CACNA1B: variants seen among roughly 807,000 people sequenced by gnomAD.
CACNA1B encodes calcium voltage-gated channel subunit alpha1 B.
In CACNA1B, 70 loss-of-function variants were observed where a neutral mutation model predicts 247.2. The ratio of observed to expected loss-of-function variants is 0.28; its 90% CI spans 0.23 to 0.35. The LOEUF is 0.35. Ranked by LOEUF, CACNA1B falls within the 10% of genes least tolerant of loss-of-function variation. CACNA1B has a pLI of 1.00. For missense variants in CACNA1B, 2,367 were observed against 3,197.4 expected (o/e 0.74, Z 6.26); for synonymous variants, 1,231 against 1,294.4 (o/e 0.95, Z 1.05).
chr9:138,118,610 G>A (rs552724056), intron 43 of CACNA1B, 42 bp from the exon 44 acceptor site: 21 of 987,498 alleles, frequency 2.1e-5, no homozygotes, highest in South Asian at 1.1e-4. Context: ...ATGAGTCCGC[G>A]GTGCCTTGTG....
intron 40 of CACNA1B, 68 bp downstream of exon 40, chr9:138,112,573 C>A: frequency 9.2e-7 from 1 of 1,086,012 alleles, no homozygotes; most frequent in Non-Finnish European, 1.4e-6. Flanking sequence ...GGCTGGAGGG[C>A]TGTGGAGGTG....
chr9:137,919,787 G>A lies in CACNA1B; in HGVS notation c.966+2356G>A, dbSNP rs928975408. 2.8e-4 allele frequency among the ~76,000 whole-genome samples: 42 copies of A among 152,206 alleles called. No homozygotes were observed. The highest frequency in any genetic ancestry group is 1.9e-3 in the Admixed American group (29 of 15,278). On this transcript the variant is annotated intron_variant, in intron 6 of 46. Transcript: ENST00000371372. The surrounding 1 kb of genome is among the most constrained non-coding windows in gnomAD (Gnocchi z 4.6). ...TGAGCAACAGCGGGCAGCCAGGACC[G>A]GGTGAGTGATGGGGTCTCAGAGTGG... is the stretch of plus-strand genomic sequence containing the variant.
intron 40 of CACNA1B, among the ~76,000 whole-genome samples, chr9:138,113,576 C>A (rs1230566290): frequency 1.5e-4 from 21 of 141,556 alleles, no homozygotes; most frequent in African/African-American, 5.7e-4. Context: ...CCAACTGCAT[C>A]TTGCGGGAGA....
At position 138,027,404 on chromosome 9, in the gene CACNA1B, C is replaced by T. The variant is rs566136871; in HGVS notation, c.3286+2232C>T. On this transcript the variant is annotated intron_variant, in intron 20 of 46. Coordinates refer to ENST00000371372, the MANE Select transcript of CACNA1B (RefSeq NM_000718.4). Reference sequence around the variant, plus strand: ...GTTTCACTGATTCCCCCTTTTTTTCCGAGATATATTATCAAAACTTCTGCA... The same window carrying T: ...GTTTCACTGATTCCCCCTTTTTTTCTGAGATATATTATCAAAACTTCTGCA... Among the ~76,000 whole-genome samples, 71 of 151,870 alleles carry T rather than the reference C, an allele frequency of 4.7e-4. 1 individual carries two copies. The highest frequency in any genetic ancestry group is 1.5e-3 in the African/African-American group (62 of 41,436).
Position 138,051,517 on chromosome 9 carries a change from T to G in CACNA1B, c.3711-575T>G, listed in dbSNP as rs1439841764. The stretch of plus-strand genomic sequence containing the variant: ...CTTGTTTGTCTTAGTCCACCATGCC[T>G]CTTGCATTGCCTCTGTATTCGTCCG... On this transcript the variant is annotated intron_variant, in intron 24 of 46. Transcript: ENST00000371372. This position sits in a 1 kb window ranked among gnomAD's most constrained non-coding sequence, Gnocchi z 4.3. Among the ~76,000 whole-genome samples the G allele has an allele frequency of 1.6e-5, 2 of 128,676 alleles. No individual in the cohort carries two copies. The highest frequency in any genetic ancestry group is 5.8e-5 in the African/African-American group (2 of 34,354). The allele number at this position is 128,676 out of a possible 152,430, so 84.4% of individuals were successfully genotyped here.
chr9:138,056,722 TGCC>T (rs1269411184), intron 26 of CACNA1B, among the ~76,000 whole-genome samples: 1 of 152,220 alleles, frequency 6.6e-6, no homozygotes, highest in Admixed American at 6.5e-5. Flanking sequence ...CCCATATCCT[TGCC>T]AACACTTGTG....
intron 16 of CACNA1B, among the ~76,000 whole-genome samples, chr9:138,008,542 C>T (rs1024426851): frequency 5.3e-5 from 8 of 152,160 alleles, no homozygotes; most frequent in African/African-American, 9.7e-5. Context: ...CTGGGGTATG[C>T]GCTCCCTTGA....
chr9:137,991,334 A>G (rs976620765), intron 15 of CACNA1B, among the ~76,000 whole-genome samples: 1 of 152,236 alleles, frequency 6.6e-6, no homozygotes, highest in Non-Finnish European at 1.5e-5. Flanking sequence ...AAAGAACTTC[A>G]GAGCTCAAAG....
chr9:138,089,021 T>C (rs1236384520), intron 36 of CACNA1B, among the ~76,000 whole-genome samples: 1 of 143,944 alleles, frequency 6.9e-6, no homozygotes, highest in Non-Finnish European at 1.5e-5. Context: ...CCCAGGGTGC[T>C]TCACTAGAGA....
In CACNA1B at chr9:137,914,427, T is replaced by G. The variant is rs991408139; in HGVS notation, c.623-227T>G. Reference sequence around the variant, plus strand: ...AGACACTTCTCAGTCGACTTCTCTCTAGGACCTTATGCTTTGTCCCTAGGA... The same window carrying G: ...AGACACTTCTCAGTCGACTTCTCTCGAGGACCTTATGCTTTGTCCCTAGGA... On this transcript the variant is annotated intron_variant, in intron 4 of 46. Transcript: ENST00000371372. The surrounding 1 kb of genome is among the most constrained non-coding windows in gnomAD (Gnocchi z 4.3). Among the ~76,000 whole-genome samples, 1 of 151,622 alleles carries G rather than the reference T, an allele frequency of 6.6e-6. No homozygotes were observed. Among genetic ancestry groups the G allele is most frequent in the Non-Finnish European group, 1.5e-5 (1 of 67,912 alleles).
At chr9:138,019,752 G>T (rs1027472779) in intron 18 of CACNA1B, among the ~76,000 whole-genome samples, 1 of 152,146 alleles carries the variant, frequency 6.6e-6, no homozygotes, top group African/African-American at 2.4e-5. Flanking sequence ...GTCTCCTGGG[G>T]CAAGAAAGCA....
At chr9:137,956,848 C>T in intron 9 of CACNA1B, 21 bp downstream of exon 9, 2 of 1,607,484 alleles carry the variant, frequency 1.2e-6, no homozygotes, top group Admixed American at 1.7e-5. Flanking sequence ...CTTGCTGGTA[C>T]TCCTGTGTGG....
In CACNA1B at chr9:137,881,076, G is replaced by T. The variant is rs988370216; in HGVS notation, c.391-1668G>T. 1.3e-5 allele frequency among the ~76,000 whole-genome samples: 2 copies of T among 152,238 alleles called. No homozygotes were observed. The highest frequency in any genetic ancestry group is 3.8e-4 in the East Asian group (2 of 5,198). On this transcript the variant is annotated intron_variant, in intron 2 of 46. Transcript: ENST00000371372. The surrounding 1 kb of genome is among the most constrained non-coding windows in gnomAD (Gnocchi z 4.3). ...TCCTTCCCAGCTGAGGGTGCTGGCT[G>T]GTCCTTCCTAGGCGTCGGGCCTGTT...
At chr9:138,096,415 T>A in intron 36 of CACNA1B, 69 bp from the exon 37 acceptor site, 2 of 1,327,754 alleles carry the variant, frequency 1.5e-6, no homozygotes, top group Non-Finnish European at 2.1e-6. Context: ...CACTGGAGAG[T>A]GGTGGGGGGC....
Position 138,043,871 on chromosome 9 carries a change from C to A in CACNA1B, c.3384C>A (p.Ser1128Arg), listed in dbSNP as rs759917282. The A allele has an allele frequency of 9.3e-6, 15 of 1,613,898 alleles. No homozygotes were observed. In the Admixed American group the frequency reaches 2.3e-4, roughly 25 times the overall value. Reference sequence around the variant, plus strand: ...GCCCCCGGCCTATCGTCCCATACAGCTCCATGTTCTGTTTAAGCCCCACCA... The same window carrying A: ...GCCCCCGGCCTATCGTCCCATACAGATCCATGTTCTGTTTAAGCCCCACCA... ...RSGPRPIVPY[S>R]SMFCLSPTNL... Residue 1128 changes from serine (S) to arginine (R), a missense_variant, in exon 21 of 47, where the codon AGC becomes AGA. Physicochemically the swap from Ser to Arg is moderately radical, Grantham distance 110. Transcript: ENST00000371372.
At chr9:137,900,294 G>C (rs911871816) in intron 3 of CACNA1B, among the ~76,000 whole-genome samples, 1 of 152,158 alleles carries the variant, frequency 6.6e-6, no homozygotes, top group African/African-American at 2.4e-5. Context: ...TAGGGTTAGG[G>C]GGCCCAGAAG....
intron 20 of CACNA1B, among the ~76,000 whole-genome samples, chr9:138,033,242 T>G (rs1011444256): frequency 1.2e-4 from 18 of 152,252 alleles, no homozygotes; most frequent in Non-Finnish European, 1.2e-4. Context: ...TCGTTATATC[T>G]TCTTTTTCTT....
At chr9:137,943,182 A>G (rs1957753567) in intron 6 of CACNA1B, among the ~76,000 whole-genome samples, 2 of 151,798 alleles carry the variant, frequency 1.3e-5, no homozygotes, top group South Asian at 4.1e-4. Context: ...GGCCTCCTAT[A>G]TAACATTTCA....
chr9:138,001,513 A>T (rs1958577532), intron 15 of CACNA1B, among the ~76,000 whole-genome samples: 1 of 152,168 alleles, frequency 6.6e-6, no homozygotes, highest in African/African-American at 2.4e-5. Context: ...GATAATAGTA[A>T]AAGATTAGAA....
Sources: gnomAD v4.1 joint callset for allele counts (sites outside exome capture counted in the v4.1 genomes callset) on GRCh38, gnomAD v4.1.1 for gene constraint, Gnocchi (gnomAD v3.1) non-coding constraint, MANE v1.5 for transcripts, NCBI Gene and HGNC (gene_info 2026-07-23, HGNC 2026-07-21) for gene names.